The following CHST11 variants were observed in gnomAD, a reference collection of about 807,000 sequenced individuals.
The protein encoded by CHST11 is C4S-1.
CHST11 carries 9 observed loss-of-function variants against 30.4 expected under a neutral mutation model. That is an observed-to-expected ratio of 0.30 (90% CI 0.18 to 0.52). CHST11 has a LOEUF of 0.52. Among genes scored for constraint, CHST11 ranks in the 20% least tolerant of loss-of-function variants. The pLI, the probability that CHST11 is intolerant of heterozygous loss-of-function variation, is 0.97. For missense variants in CHST11, 348 were observed against 460.6 expected (o/e 0.76, Z 2.24); for synonymous variants, 152 against 187.8 (o/e 0.81, Z 1.56).
At chr12:104,674,713 C>G (rs904685432) in intron 2 of CHST11, among the ~76,000 whole-genome samples, 2 of 149,572 alleles carry the variant, frequency 1.3e-5, no homozygotes, top group Non-Finnish European at 3.0e-5. Flanking sequence ...ACGGATTAGA[C>G]TTTTTTTTTT....
chr12:104,752,025 C>A (rs1255656846), intron 2 of CHST11, among the ~76,000 whole-genome samples: 1 of 152,212 alleles, frequency 6.6e-6, no homozygotes, highest in Non-Finnish European at 1.5e-5. Flanking sequence ...CTGAGGCCAT[C>A]ATAACAAATT....
At chr12:104,644,577 C>A (rs1020102735) in intron 2 of CHST11, among the ~76,000 whole-genome samples, 1 of 152,266 alleles carries the variant, frequency 6.6e-6, no homozygotes, top group Non-Finnish European at 1.5e-5. Context: ...TCTAGGGGAG[C>A]TTTCCTGCTT....
chr12:104,663,172 C>T (rs1333050170), intron 2 of CHST11, among the ~76,000 whole-genome samples: 1 of 152,222 alleles, frequency 6.6e-6, no homozygotes, highest in African/African-American at 2.4e-5. Context: ...TTCCAGAGGC[C>T]TGGGCGAGCC....
At chr12:104,521,864 A>G (rs577290016) in intron 1 of CHST11, among the ~76,000 whole-genome samples, 1 of 152,202 alleles carries the variant, frequency 6.6e-6, no homozygotes, top group South Asian at 2.1e-4. Flanking sequence ...TTCTGCCTTT[A>G]TCCCCGCTCA....
At chr12:104,692,113 A>C (rs1019154286) in intron 2 of CHST11, among the ~76,000 whole-genome samples, 1 of 152,222 alleles carries the variant, frequency 6.6e-6, no homozygotes, top group Non-Finnish European at 1.5e-5. Flanking sequence ...TTTCTTCCTG[A>C]GTGGAGGACC....
intron 2 of CHST11, among the ~76,000 whole-genome samples, chr12:104,695,290 C>T (rs551444886): frequency 6.6e-6 from 1 of 152,186 alleles, no homozygotes; most frequent in Non-Finnish European, 1.5e-5. Flanking sequence ...GCTCAGCCCC[C>T]TCCAAGGCCT....
chr12:104,631,895 C>T (rs1329892804), intron 2 of CHST11, among the ~76,000 whole-genome samples: 1 of 152,210 alleles, frequency 6.6e-6, no homozygotes, highest in Non-Finnish European at 1.5e-5. Context: ...TTCCCGGGAG[C>T]TCCCCCTTAT....
At chr12:104,708,860 G>C (rs1157924497) in intron 2 of CHST11, among the ~76,000 whole-genome samples, 5 of 152,180 alleles carry the variant, frequency 3.3e-5, no homozygotes, top group Non-Finnish European at 7.4e-5. Context: ...GGGCCCCTCG[G>C]GTGCCCCAGT....
At chr12:104,713,693 G>C (rs1023163432) in intron 2 of CHST11, among the ~76,000 whole-genome samples, 1 of 152,106 alleles carries the variant, frequency 6.6e-6, no homozygotes, top group Non-Finnish European at 1.5e-5. Context: ...CCTGAGGCCA[G>C]GTCCACACCG....
intron 1 of CHST11, among the ~76,000 whole-genome samples, chr12:104,567,779 G>A (rs2038582345): frequency 6.6e-6 from 1 of 152,156 alleles, no homozygotes; most frequent in Non-Finnish European, 1.5e-5. Context: ...TAATGCAATA[G>A]TATTGGGAGG....
intron 2 of CHST11, among the ~76,000 whole-genome samples, chr12:104,753,248 G>A (rs888987454): frequency 3.9e-5 from 6 of 152,194 alleles, no homozygotes; most frequent in African/African-American, 1.4e-4. Flanking sequence ...TCCACAAATC[G>A]TTTTCCACGT....
chr12:104,663,397 A>C (rs2039614402), intron 2 of CHST11, among the ~76,000 whole-genome samples: 1 of 152,228 alleles, frequency 6.6e-6, no homozygotes, highest in Non-Finnish European at 1.5e-5. Context: ...AATAAATGCA[A>C]GTCAAATGAA....
At chr12:104,734,612 T>C (rs1175133686) in intron 2 of CHST11, among the ~76,000 whole-genome samples, 2 of 152,162 alleles carry the variant, frequency 1.3e-5, no homozygotes, top group Non-Finnish European at 2.9e-5. Flanking sequence ...TTTCTTACTT[T>C]GCCATGGGGA....
intron 1 of CHST11, among the ~76,000 whole-genome samples, chr12:104,489,267 C>T (rs1333395220): frequency 1.3e-5 from 2 of 152,050 alleles, no homozygotes; most frequent in Non-Finnish European, 2.9e-5. Context: ...GGACTCCTGA[C>T]CTCAGGTGAT....
In CHST11 at chr12:104,483,501, C is replaced by T. The variant is rs142480514; in HGVS notation, c.118+25972C>T. Among the ~76,000 whole-genome samples, 393 of 152,254 alleles carry T rather than the reference C, an allele frequency of 2.6e-3. 5 individuals carry two copies. The highest frequency in any genetic ancestry group is 7.7e-3 in the African/African-American group (321 of 41,528). On this transcript the variant is annotated intron_variant, in intron 1 of 2. Transcript: ENST00000303694. Reference sequence around the variant, plus strand: ...GATTACAGGCGTGAGCCACCGTGCCCGGCCTCCCCATGCACTTTGACTTTT... The same window carrying T: ...GATTACAGGCGTGAGCCACCGTGCCTGGCCTCCCCATGCACTTTGACTTTT...
At chr12:104,488,645 A>ATGTGTG (rs55888657) in intron 1 of CHST11, among the ~76,000 whole-genome samples, 2 of 136,614 alleles carry the variant, frequency 1.5e-5, no homozygotes, top group Non-Finnish European at 3.2e-5. Context: ...GTGCGTGTGT[A>ATGTGTG]TGTGTGTGTG....
intron 1 of CHST11, among the ~76,000 whole-genome samples, chr12:104,505,506 C>T (rs1299333214): frequency 2.0e-5 from 3 of 152,176 alleles, no homozygotes; most frequent in African/African-American, 7.2e-5. Flanking sequence ...GTTATGTTGA[C>T]GCTGCCTGTC....
At chr12:104,639,192 C>T (rs915405937) in intron 2 of CHST11, among the ~76,000 whole-genome samples, 1 of 152,130 alleles carries the variant, frequency 6.6e-6, no homozygotes, top group Non-Finnish European at 1.5e-5. Context: ...AGTCACATAA[C>T]CCATGTTGGC....
intron 2 of CHST11, among the ~76,000 whole-genome samples, chr12:104,747,451 A>G (rs2040397252): frequency 6.6e-6 from 1 of 152,242 alleles, no homozygotes. Context: ...TATGGTAGCT[A>G]GTATAAATAT....
Sources: allele counts gnomAD v4.1 joint callset (sites outside exome capture counted in the v4.1 genomes callset), GRCh38; gene constraint gnomAD v4.1.1; transcripts MANE v1.5; gene names NCBI Gene and HGNC (gene_info 2026-07-23, HGNC 2026-07-21).